Variants in COBL observed in about 807,000 individuals in gnomAD.
COBL encodes cordon-bleu WH2 repeat protein.
COBL carries 51 observed loss-of-function variants against 98.8 expected under a neutral mutation model. The observed-to-expected ratio is 0.52, with a 90% confidence interval of 0.41 to 0.65. The LOEUF (loss-of-function observed/expected upper bound fraction) is 0.65, where lower values mean the gene tolerates loss of function less well. Ranked by LOEUF, COBL falls within the 30% of genes least tolerant of loss-of-function variation. The pLI is 0.00. For synonymous variants in COBL, 634 were observed against 651.7 expected, an observed-to-expected ratio of 0.97 and a Z score of 0.41; for missense variants, 1,617 against 1,617.5, an observed-to-expected ratio of 1.00 and a Z score of 0.01.
At chr7:51,059,033 T>G (rs1378869666) in intron 7 of COBL, among the ~76,000 whole-genome samples, 1 of 152,132 alleles carries the variant, frequency 6.6e-6, no homozygotes, top group African/African-American at 2.4e-5. Context: ...CCCATGTGGG[T>G]GAGTATAAGT....
At chr7:51,218,854 T>G (rs1793347399) in intron 2 of COBL, among the ~76,000 whole-genome samples, 1 of 152,236 alleles carries the variant, frequency 6.6e-6, no homozygotes, top group South Asian at 2.1e-4. Flanking sequence ...CAAATATGTA[T>G]GAATGCTTGA....
intron 1 of COBL, among the ~76,000 whole-genome samples, chr7:51,278,417 G>T (rs1799507200): frequency 8.0e-6 from 1 of 125,264 alleles, no homozygotes; most frequent in South Asian, 2.5e-4. Flanking sequence ...GTCTCACTCT[G>T]TCGCCAGGCT....
At chr7:51,121,127 C>T (rs1046327122) in intron 6 of COBL, among the ~76,000 whole-genome samples, 1 of 152,202 alleles carries the variant, frequency 6.6e-6, no homozygotes, top group Non-Finnish European at 1.5e-5. Flanking sequence ...CCATTTTACA[C>T]TCCCACCAAC....
intron 1 of COBL, among the ~76,000 whole-genome samples, chr7:51,297,250 T>C (rs1801497658): frequency 6.6e-6 from 1 of 152,164 alleles, no homozygotes; most frequent in Non-Finnish European, 1.5e-5. Context: ...GGCAATGTGG[T>C]AGGTGAAATA....
At chr7:51,196,867 T>G (rs1359495377) in intron 2 of COBL, among the ~76,000 whole-genome samples, 1 of 152,134 alleles carries the variant, frequency 6.6e-6, no homozygotes, top group Non-Finnish European at 1.5e-5. Context: ...GGGTCAGTGG[T>G]GACACCTCAC....
intron 1 of COBL, among the ~76,000 whole-genome samples, chr7:51,262,942 T>G (rs1210541523): frequency 1.3e-5 from 2 of 151,964 alleles, no homozygotes; most frequent in African/African-American, 4.8e-5. Flanking sequence ...GGGCTGCATC[T>G]GGAAAAAGAA....
intron 6 of COBL, among the ~76,000 whole-genome samples, chr7:51,091,006 G>T (rs1048983733): frequency 1.3e-4 from 20 of 152,174 alleles, no homozygotes; most frequent in Non-Finnish European, 1.2e-4. Flanking sequence ...CCAGAAAAGG[G>T]TTGAGAGGCC....
chr7:51,056,357 C>T (rs1790745908), intron 7 of COBL, among the ~76,000 whole-genome samples: 1 of 151,596 alleles, frequency 6.6e-6, no homozygotes, highest in African/African-American at 2.4e-5. Flanking sequence ...CCTCTACATC[C>T]CAGGTGTCAA....
chr7:51,248,086 C>T, intron 1 of COBL, among the ~76,000 whole-genome samples: 1 of 151,972 alleles, frequency 6.6e-6, no homozygotes, highest in Non-Finnish European at 1.5e-5. Context: ...CTGCAGTGAG[C>T]CGAGATCACG....
At chr7:51,165,347 C>CA (rs1461808760) in intron 5 of COBL, among the ~76,000 whole-genome samples, 3 of 151,688 alleles carry the variant, frequency 2.0e-5, no homozygotes, top group Non-Finnish European at 4.4e-5. Flanking sequence ...ATTTCAAGAC[C>CA]AAAACTGTAA....
Position 51,243,123 on chromosome 7 carries a change from G to A in COBL, c.42-23179C>T, listed in dbSNP as rs138795282. Among the ~76,000 whole-genome samples, 544 of 152,324 alleles carry A rather than the reference G, an allele frequency of 3.6e-3. 1 individual carries two copies. Among genetic ancestry groups the A allele is most frequent in the African/African-American group, 0.013 (526 of 41,586 alleles). On this transcript the variant is annotated intron_variant, in intron 1 of 12. Coordinates refer to ENST00000265136, the MANE Select transcript of COBL (RefSeq NM_015198.5). ...CCCGTTGGTCCCACTAAGGACGGAT[G>A]GGCAAAACATGGCATGAACTGATGT...
intron 1 of COBL, among the ~76,000 whole-genome samples, chr7:51,270,392 C>T (rs1212404386): frequency 6.6e-6 from 1 of 152,198 alleles, no homozygotes; most frequent in Non-Finnish European, 1.5e-5. Context: ...TATGCTCATT[C>T]ATTCACATAT....
At chr7:51,122,195 G>A (rs1797800410) in intron 6 of COBL, among the ~76,000 whole-genome samples, 3 of 152,202 alleles carry the variant, frequency 2.0e-5, no homozygotes, top group Admixed American at 2.0e-4. Flanking sequence ...GTGTCAGAGA[G>A]GAAACGATCC....
chr7:51,030,541 T>C (rs1788035503), intron 9 of COBL, among the ~76,000 whole-genome samples: 1 of 152,252 alleles, frequency 6.6e-6, no homozygotes, highest in Non-Finnish European at 1.5e-5. Flanking sequence ...ATGTGTGGCA[T>C]ACTTTTTTAA....
chr7:51,218,164 G>A (rs7779593), intron 2 of COBL, among the ~76,000 whole-genome samples: 1,906 of 152,272 alleles, frequency 0.013, 36 homozygotes, highest in African/African-American at 0.044. Flanking sequence ...CCGAGGCCTC[G>A]AGCAATGCTC....
rs146242826 is a variant in COBL, at chr7:51,219,828, C to T, written c.158G>A (p.Arg53His). The change falls in exon 2 of 13, where the codon CGC becomes CAC. Residue 53 changes from arginine to histidine, a missense_variant. Around this residue, in one of 3 missense-constraint regions of COBL, gnomAD observed 238 missense variants for 215.0 expected, o/e 1.11. Coordinates refer to ENST00000265136, the MANE Select transcript of COBL (RefSeq NM_015198.5). ...GALGSQQNLV[R>H]MKEALRASTM... ...GCTGGCCCTCAGCGCCTCCTTCATG[C>T]GAACCAAGTTCTGCTGCGACCCGAG... 482 of 1,614,108 alleles carry T rather than the reference C, an allele frequency of 3.0e-4. 1 individual carries two copies. The African/African-American group carries it at 5.6e-3, about 19-fold the overall frequency.
In COBL at chr7:51,043,371, C is replaced by A. The variant is rs769639857; in HGVS notation, c.1406+12G>T. The stretch of plus-strand genomic sequence containing the variant: ...GTGACTTCCGTACCCACCCATCCTT[C>A]CCGTGACTCACCTCAGATGTGAGTT... On this transcript the variant is annotated intron_variant, in intron 8 of 12. Transcript: ENST00000265136. 2.5e-6 allele frequency: 4 copies of A among 1,612,416 alleles called. No homozygotes were observed. The South Asian group carries it at 4.4e-5, about 18-fold the overall frequency.
intron 5 of COBL, among the ~76,000 whole-genome samples, chr7:51,152,809 G>C (rs967422693): frequency 2.6e-5 from 4 of 152,172 alleles, no homozygotes; most frequent in Non-Finnish European, 5.9e-5. Context: ...GCCCTGTTGG[G>C]GCAGAGGCTG....
intron 4 of COBL, among the ~76,000 whole-genome samples, chr7:51,189,295 C>T (rs1368292473): frequency 6.6e-6 from 1 of 152,078 alleles, no homozygotes; most frequent in Non-Finnish European, 1.5e-5. Context: ...GAAGGCTGGA[C>T]AGAGATTCCA....
Sources: gnomAD v4.1 joint callset for allele counts (sites outside exome capture counted in the v4.1 genomes callset) on GRCh38, gnomAD v4.1.1 for gene constraint, gnomAD v4.1.1 regional missense constraint, MANE v1.5 for transcripts, NCBI Gene and HGNC (gene_info 2026-07-23, HGNC 2026-07-21) for gene names.